The following PPARGC1A variants were observed in gnomAD, a reference collection of about 807,000 sequenced individuals.
PPARGC1A encodes the protein peroxisome proliferator-activated receptor gamma coactivator 1-alpha.
A neutral mutation model predicts 88.7 loss-of-function variants in PPARGC1A; 25 were observed. The observed-to-expected ratio is 0.28, with a 90% CI of 0.21 to 0.39. The LOEUF is 0.39. Among genes scored for constraint, PPARGC1A ranks in the 10% least tolerant of loss-of-function variants. The pLI is 1.00. For missense variants in PPARGC1A, 880 were observed against 968.7 expected, an observed-to-expected ratio of 0.91 and a Z score of 1.22; for synonymous variants, 363 against 355.6, an observed-to-expected ratio of 1.02 and a Z score of -0.24.
At chr4:23,931,480 T>A in the PPARGC1A span, among the ~76,000 whole-genome samples, 1 of 152,070 alleles carries the variant, frequency 6.6e-6, no homozygotes, top group Non-Finnish European at 1.5e-5. Flanking sequence ...ATTTAAAAAG[T>A]TAAGGCACAT....
intron 10 of PPARGC1A, among the ~76,000 whole-genome samples, chr4:23,806,465 T>G (rs1560331659): frequency 6.6e-6 from 1 of 152,208 alleles, no homozygotes; most frequent in Non-Finnish European, 1.5e-5. Context: ...GAAATCAAAA[T>G]GCTTAATGAC....
the PPARGC1A span, among the ~76,000 whole-genome samples, chr4:24,131,002 T>A: frequency 6.6e-6 from 1 of 152,302 alleles, no homozygotes; most frequent in East Asian, 1.9e-4. Flanking sequence ...AAATGTTTCT[T>A]GTTCCTTCCA....
chr4:23,955,117 G>T, the PPARGC1A span, among the ~76,000 whole-genome samples: 1 of 152,032 alleles, frequency 6.6e-6, no homozygotes, highest in Non-Finnish European at 1.5e-5. Context: ...TTCAATTTAA[G>T]TTCAAATCAA....
chr4:23,916,673 C>T, the PPARGC1A span, among the ~76,000 whole-genome samples: 45 of 152,128 alleles, frequency 3.0e-4, no homozygotes, highest in Middle Eastern at 0.014. Context: ...TATGAAAGTG[C>T]CTTGATTTAT....
At chr4:23,904,491 T>A (rs1286069540), upstream of PPARGC1A, among the ~76,000 whole-genome samples, 1 of 152,162 alleles carries the variant, frequency 6.6e-6, no homozygotes, top group Non-Finnish European at 1.5e-5. Context: ...TGCAAACTGG[T>A]TAATATTGAC....
At chr4:24,417,731 T>C in the PPARGC1A span, among the ~76,000 whole-genome samples, 3 of 152,220 alleles carry the variant, frequency 2.0e-5, no homozygotes, top group Non-Finnish European at 2.9e-5. Context: ...TAAAGATGTA[T>C]ACATTATATT....
chr4:24,213,512 T>C, the PPARGC1A span, among the ~76,000 whole-genome samples: 3 of 152,182 alleles, frequency 2.0e-5, no homozygotes, highest in South Asian at 2.1e-4. Context: ...TTAACACTTA[T>C]GTAACTCCAG....
the PPARGC1A span, among the ~76,000 whole-genome samples, chr4:24,108,762 G>A: frequency 6.6e-6 from 1 of 152,048 alleles, no homozygotes; most frequent in Non-Finnish European, 1.5e-5. Context: ...TGGAGCCTGG[G>A]GTTCATCCAT....
the PPARGC1A span, among the ~76,000 whole-genome samples, chr4:24,005,434 A>C: frequency 6.6e-6 from 1 of 152,154 alleles, no homozygotes; most frequent in East Asian, 1.9e-4. Context: ...GATAACCTTT[A>C]GTAAATTATC....
chr4:24,117,137 T>C, the PPARGC1A span, among the ~76,000 whole-genome samples: 2 of 152,348 alleles, frequency 1.3e-5, no homozygotes, highest in African/African-American at 4.8e-5. Context: ...CAGAAGTCTT[T>C]TGAAATCCCA....
At chr4:24,060,254 C>T in the PPARGC1A span, among the ~76,000 whole-genome samples, 1 of 152,190 alleles carries the variant, frequency 6.6e-6, no homozygotes, top group Non-Finnish European at 1.5e-5. Flanking sequence ...GTTGTGTTTA[C>T]TGCCACACAA....
At chr4:24,068,476 A>T in the PPARGC1A span, among the ~76,000 whole-genome samples, 2 of 152,250 alleles carry the variant, frequency 1.3e-5, no homozygotes, top group African/African-American at 4.8e-5. Flanking sequence ...GCACATTACA[A>T]TGGGCTTCAG....
chr4:24,207,548 C>T, the PPARGC1A span, among the ~76,000 whole-genome samples: 2 of 152,170 alleles, frequency 1.3e-5, no homozygotes, highest in Admixed American at 6.5e-5. Flanking sequence ...TTAAACAAGA[C>T]AGAAATTAAA....
the PPARGC1A span, among the ~76,000 whole-genome samples, chr4:24,104,659 G>T: frequency 6.6e-6 from 1 of 152,102 alleles, no homozygotes; most frequent in African/African-American, 2.4e-5. Context: ...TCAAACTGGA[G>T]GAAGCATGTG....
the PPARGC1A span, among the ~76,000 whole-genome samples, chr4:24,176,883 G>A: frequency 1.3e-5 from 2 of 152,156 alleles, no homozygotes; most frequent in South Asian, 4.1e-4. Flanking sequence ...ACCAGTTAAA[G>A]GTTCTCATCT....
At chr4:24,385,979 T>C in the PPARGC1A span, among the ~76,000 whole-genome samples, 2 of 152,070 alleles carry the variant, frequency 1.3e-5, no homozygotes, top group Admixed American at 6.6e-5. Flanking sequence ...TGAACATCAG[T>C]GCGAAAATTC....
chr4:24,311,534 G>A, the PPARGC1A span, among the ~76,000 whole-genome samples: 29,949 of 151,544 alleles, frequency 0.2, 3,232 homozygotes, highest in Middle Eastern at 0.27. Flanking sequence ...CAGCTACTCA[G>A]GAGGCTGAGG....
the PPARGC1A span, among the ~76,000 whole-genome samples, chr4:24,129,768 T>C: frequency 6.6e-6 from 1 of 152,158 alleles, no homozygotes; most frequent in African/African-American, 2.4e-5. Flanking sequence ...AATGACAGAC[T>C]GGATTAAGAA....
chr4:24,406,638 G>A, the PPARGC1A span, among the ~76,000 whole-genome samples: 2 of 152,262 alleles, frequency 1.3e-5, no homozygotes, highest in South Asian at 2.1e-4. Flanking sequence ...AACATGCCAC[G>A]TCCTAGAGAC....
Sources: allele counts gnomAD v4.1 joint callset (sites outside exome capture counted in the v4.1 genomes callset), GRCh38; gene constraint gnomAD v4.1.1; transcripts MANE v1.5; gene names NCBI Gene and HGNC (gene_info 2026-07-23, HGNC 2026-07-21).